SIK3: variants seen among roughly 807,000 people sequenced by gnomAD.
SIK3 encodes the protein serine/threonine-protein kinase SIK3.
Under a neutral mutation model 144.2 loss-of-function variants are expected in SIK3, and 28 were observed. The observed-to-expected ratio is 0.19, with a 90% CI of 0.14 to 0.27. The LOEUF (loss-of-function observed/expected upper bound fraction) is 0.27, where lower values mean the gene tolerates loss of function less well. Ranked by LOEUF, SIK3 falls within the 10% of genes least tolerant of loss-of-function variation. The pLI, the probability that SIK3 is intolerant of heterozygous loss-of-function variation, is 1.00. For synonymous variants in SIK3, 686 were observed against 676.3 expected (o/e 1.01, Z -0.22); for missense variants, 1,319 against 1,776.0 (o/e 0.74, Z 4.62).
intron 3 of SIK3, among the ~76,000 whole-genome samples, chr11:116,933,286 G>A (rs956516172): frequency 1.8e-4 from 27 of 151,928 alleles, no homozygotes; most frequent in African/African-American, 3.9e-4. Context: ...GACTACAGGC[G>A]TGCGCCACCA....
intron 1 of SIK3, among the ~76,000 whole-genome samples, chr11:116,970,363 T>C (rs912916249): frequency 6.6e-6 from 1 of 152,198 alleles, no homozygotes; most frequent in African/African-American, 2.4e-5. Flanking sequence ...GGGTTTTGAC[T>C]TTTTTAAGTT....
intron 4 of SIK3, among the ~76,000 whole-genome samples, chr11:116,905,493 T>C (rs1237515198): frequency 3.3e-5 from 5 of 152,242 alleles, no homozygotes; most frequent in Non-Finnish European, 7.3e-5. Flanking sequence ...CTGGGTCATA[T>C]GGTAACTCTG....
At chr11:117,098,025 C>G (rs1192524581) in intron 1 of SIK3, 118 bp downstream of exon 1, 15 of 1,150,736 alleles carry the variant, frequency 1.3e-5, no homozygotes, top group Non-Finnish European at 1.5e-5. Flanking sequence ...CTCCCGCCTC[C>G]CGGCCCCCAA....
intron 4 of SIK3, among the ~76,000 whole-genome samples, chr11:116,912,569 G>A (rs1005576036): frequency 6.6e-6 from 1 of 152,160 alleles, no homozygotes; most frequent in African/African-American, 2.4e-5. Context: ...AGCTTTGAGC[G>A]ACGGACAACC....
chr11:116,894,739 T>C (rs1291740205), intron 6 of SIK3, among the ~76,000 whole-genome samples: 1 of 152,212 alleles, frequency 6.6e-6, no homozygotes, highest in Non-Finnish European at 1.5e-5. Flanking sequence ...GTGAAGTGCT[T>C]TGAACAGTGC....
At chr11:117,031,443 T>C (rs1339058485) in intron 1 of SIK3, among the ~76,000 whole-genome samples, 3 of 151,464 alleles carry the variant, frequency 2.0e-5, no homozygotes, top group African/African-American at 7.3e-5. Flanking sequence ...CTGCACTGAA[T>C]TGCTTCTGCA....
chr11:117,070,307 C>A (rs1270944055), intron 1 of SIK3, among the ~76,000 whole-genome samples: 1 of 152,106 alleles, frequency 6.6e-6, no homozygotes, highest in Non-Finnish European at 1.5e-5. Flanking sequence ...GATAATCTAC[C>A]AGGCATGGTC....
intron 4 of SIK3, among the ~76,000 whole-genome samples, chr11:116,898,731 G>T (rs1470033372): frequency 6.7e-6 from 1 of 148,788 alleles, no homozygotes; most frequent in Non-Finnish European, 1.5e-5. Context: ...GCCAGTGATG[G>T]TGAGCATTTT....
chr11:117,002,435 A>C (rs1262236720), intron 1 of SIK3, among the ~76,000 whole-genome samples: 3 of 152,210 alleles, frequency 2.0e-5, no homozygotes, highest in Non-Finnish European at 4.4e-5. Flanking sequence ...GGCTGAACTT[A>C]AGTTGCAAAC....
intron 1 of SIK3, among the ~76,000 whole-genome samples, chr11:117,018,850 T>C (rs1436399693): frequency 3.9e-5 from 6 of 151,940 alleles, no homozygotes; most frequent in Admixed American, 3.9e-4. Context: ...TAGCTGGAAT[T>C]ACAGGCGCCT....
At chr11:116,884,910 A>G (rs937254075) in intron 6 of SIK3, among the ~76,000 whole-genome samples, 2 of 152,246 alleles carry the variant, frequency 1.3e-5, no homozygotes, top group Non-Finnish European at 2.9e-5. Flanking sequence ...CTCTTGACAC[A>G]ATGGCACTAA....
At chr11:117,047,087 T>C (rs1430758949) in intron 1 of SIK3, among the ~76,000 whole-genome samples, 1 of 152,234 alleles carries the variant, frequency 6.6e-6, no homozygotes, top group Non-Finnish European at 1.5e-5. Flanking sequence ...ACTTTTATCA[T>C]ACTTTCCTTA....
Position 117,049,696 on chromosome 11 carries a change from A to G in SIK3, c.273+48447T>C, listed in dbSNP as rs557559704. On this transcript the variant is annotated intron_variant, in intron 1 of 24. Coordinates refer to ENST00000445177, the MANE Select transcript of SIK3 (RefSeq NM_001366686.3). ...GATCAGTCTAGGTGCAATGGCTCAC[A>G]CCTAGTCCCAACATTTTTGGAAGCT... 3.1e-4 allele frequency among the ~76,000 whole-genome samples: 47 copies of G among 152,130 alleles called. 2 individuals are homozygous for G. In the South Asian group the frequency reaches 9.6e-3, roughly 31 times the overall value.
rs374740569 is a variant in SIK3, at chr11:117,023,619, A to ATATATATATATAT, written c.274-66556_274-66555insATATATATATATA. Among the ~76,000 whole-genome samples, 91 of 99,776 alleles carry ATATATATATATAT rather than the reference A, an allele frequency of 9.1e-4. 2 individuals are homozygous for ATATATATATATAT. The highest frequency in any genetic ancestry group is 4.1e-3 in the African/African-American group (81 of 19,848). The allele number at this position is 99,776 out of a possible 152,430, so 65.5% of individuals were successfully genotyped here. ...AAACAAACAAACAAACAAAAAAAAAAAAATATATATATATATATATATATA... is the reference window on the plus strand; with the variant it reads ...AAACAAACAAACAAACAAAAAAAAAATATATATATATATAAATATATATATATATATATATATA... On this transcript the variant is annotated intron_variant, in intron 1 of 24. Coordinates refer to ENST00000445177, the MANE Select transcript of SIK3 (RefSeq NM_001366686.3).
chr11:116,961,979 T>A (rs1416182032), intron 1 of SIK3, among the ~76,000 whole-genome samples: 1 of 152,224 alleles, frequency 6.6e-6, no homozygotes, highest in African/African-American at 2.4e-5. Flanking sequence ...CCCTTTTAAT[T>A]CTCACTTCTA....
intron 19 of SIK3, among the ~76,000 whole-genome samples, chr11:116,859,936 C>T (rs1007825542): frequency 6.6e-6 from 1 of 152,110 alleles, no homozygotes; most frequent in Non-Finnish European, 1.5e-5. Flanking sequence ...ACACAAATGG[C>T]CTGGCATCTG....
At chr11:117,012,902 A>G (rs1298166190) in intron 1 of SIK3, among the ~76,000 whole-genome samples, 2 of 115,798 alleles carry the variant, frequency 1.7e-5, no homozygotes, top group African/African-American at 3.4e-5. Flanking sequence ...CCCAGGCTGG[A>G]GTGCAGCGGC....
At chr11:117,030,026 C>A (rs2135791549) in intron 1 of SIK3, among the ~76,000 whole-genome samples, 1 of 151,728 alleles carries the variant, frequency 6.6e-6, no homozygotes, top group South Asian at 2.1e-4. Flanking sequence ...TAAAGAGAAA[C>A]AATTTTGGAA....
intron 1 of SIK3, among the ~76,000 whole-genome samples, chr11:116,960,824 CTGT>C (rs1348599480): frequency 6.6e-6 from 1 of 152,160 alleles, no homozygotes; most frequent in Non-Finnish European, 1.5e-5. Context: ...ACAGGTAGTG[CTGT>C]TGTTATTTTA....
Sources: gnomAD v4.1 joint callset for allele counts (sites outside exome capture counted in the v4.1 genomes callset) on GRCh38, gnomAD v4.1.1 for gene constraint, MANE v1.5 for transcripts, NCBI Gene and HGNC (gene_info 2026-07-23, HGNC 2026-07-21) for gene names.